NPY2R: variants seen among roughly 807,000 people sequenced by gnomAD.
NPY2R encodes the protein neuropeptide Y receptor Y2.
NPY2R carries 17 observed loss-of-function variants against 22.3 expected under a neutral mutation model. The observed-to-expected ratio is 0.76, with a 90% CI of 0.52 to 1.14. The LOEUF (loss-of-function observed/expected upper bound fraction) is 1.14. NPY2R is among the 50% of genes most tolerant of loss of function. The probability of loss-of-function intolerance (pLI) is 0.00; values close to 1 mark genes in which losing one functional copy is unlikely to be tolerated. For synonymous variants in NPY2R, 209 were observed against 183.4 expected, an observed-to-expected ratio of 1.14 and a Z score of -1.13; for missense variants, 424 against 467.9, an observed-to-expected ratio of 0.91 and a Z score of 0.87.
chr4:155,206,392 CTACAA>C (rs1321739228), upstream of NPY2R: 1 of 152,232 alleles, frequency 6.6e-6, no homozygotes, highest in Non-Finnish European at 1.5e-5. Flanking sequence ...TTCATTGTTA[CTACAA>C]TACACAGGAT....
At chr4:155,176,829 C>A in the NPY2R span, among the ~76,000 whole-genome samples, 33 of 152,212 alleles carry the variant, frequency 2.2e-4, no homozygotes, top group South Asian at 6.4e-3. Context: ...CAAAATGGTG[C>A]CTTGCTGCTG....
At chr4:155,198,147 A>G in the NPY2R span, among the ~76,000 whole-genome samples, 1 of 152,018 alleles carries the variant, frequency 6.6e-6, no homozygotes, top group Non-Finnish European at 1.5e-5. Flanking sequence ...GGTATCTAAC[A>G]GGTATTGATC....
the NPY2R span, among the ~76,000 whole-genome samples, chr4:155,191,223 T>C: frequency 6.6e-6 from 1 of 151,990 alleles, no homozygotes; most frequent in Non-Finnish European, 1.5e-5. Flanking sequence ...ACACAGGCAC[T>C]TAATACTTTG....
rs1729522226 is a variant in NPY2R, at chr4:155,216,614, G to A, written c.*1529G>A. The A allele has an allele frequency of 6.0e-6, 1 of 166,814 alleles. No individual in the cohort carries two copies. The highest frequency in any genetic ancestry group is 1.5e-5 in the Non-Finnish European group (1 of 68,030). 10.3% of individuals were successfully genotyped at this position (166,814 alleles called of 1,614,324 possible). On this transcript the variant is annotated 3_prime_UTR_variant, in exon 2 of 2. Coordinates refer to ENST00000329476, the MANE Select transcript of NPY2R (RefSeq NM_000910.4). ...GGATATATTTAAAATTCATATTATA[G>A]CTCCTATTAAATTCCTTCCATGATA...
the NPY2R span, among the ~76,000 whole-genome samples, chr4:155,197,789 C>T: frequency 6.6e-6 from 1 of 151,832 alleles, no homozygotes; most frequent in African/African-American, 2.4e-5. Context: ...GCCCCCCAGG[C>T]CAAAAGAAGC....
At chr4:155,213,232 A>T (rs778719902) in intron 1 of NPY2R, among the ~76,000 whole-genome samples, 16 of 152,206 alleles carry the variant, frequency 1.1e-4, no homozygotes, top group Non-Finnish European at 1.9e-4. Flanking sequence ...TTACTACCAT[A>T]CAATCCATCT....
At chr4:155,186,966 A>G in the NPY2R span, among the ~76,000 whole-genome samples, 26 of 150,494 alleles carry the variant, frequency 1.7e-4, no homozygotes, top group African/African-American at 6.4e-4. Flanking sequence ...CAGCTTCTTT[A>G]TTTTCTACAA....
the NPY2R span, among the ~76,000 whole-genome samples, chr4:155,192,228 G>A: frequency 5.3e-5 from 8 of 151,972 alleles, no homozygotes; most frequent in South Asian, 2.1e-4. Context: ...GCTTTGTTTC[G>A]TTAGCTGACC....
the NPY2R span, among the ~76,000 whole-genome samples, chr4:155,199,225 C>T: frequency 6.6e-6 from 1 of 151,860 alleles, no homozygotes; most frequent in South Asian, 2.1e-4. Context: ...TCTGCCTTTA[C>T]TGGAAAATTG....
upstream of NPY2R, among the ~76,000 whole-genome samples, chr4:155,204,306 A>G (rs1384399224): frequency 6.6e-6 from 1 of 151,854 alleles, no homozygotes; most frequent in African/African-American, 2.4e-5. Flanking sequence ...CTCCTGATTT[A>G]GTTTCCCCAC....
upstream of NPY2R, chr4:155,207,811 G>C (rs1246763389): frequency 2.5e-5 from 3 of 117,896 alleles, no homozygotes; most frequent in East Asian, 7.4e-4. Context: ...TCGGAAGTCA[G>C]CTATCTGGAG....
At chr4:155,182,714 A>C in the NPY2R span, among the ~76,000 whole-genome samples, 1 of 152,154 alleles carries the variant, frequency 6.6e-6, no homozygotes, top group Admixed American at 6.6e-5. Flanking sequence ...GGAACTTGGA[A>C]GAGAGTGACC....
the NPY2R span, among the ~76,000 whole-genome samples, chr4:155,193,035 T>A: frequency 6.6e-6 from 1 of 151,862 alleles, no homozygotes; most frequent in East Asian, 1.9e-4. Flanking sequence ...AGTAAAGATG[T>A]TATGAGAAGG....
the NPY2R span, among the ~76,000 whole-genome samples, chr4:155,202,113 C>T: frequency 6.6e-6 from 1 of 152,156 alleles, no homozygotes; most frequent in African/African-American, 2.4e-5. Context: ...TCTACATTGA[C>T]TCAGTATCAC....
the NPY2R span, among the ~76,000 whole-genome samples, chr4:155,176,483 G>A: frequency 2.0e-5 from 3 of 152,094 alleles, no homozygotes; most frequent in African/African-American, 7.2e-5. Flanking sequence ...GATAGTATGG[G>A]TTTGTGCCCA....
At chr4:155,201,332 A>T in the NPY2R span, among the ~76,000 whole-genome samples, 1 of 152,206 alleles carries the variant, frequency 6.6e-6, no homozygotes, top group Admixed American at 6.5e-5. Context: ...TCTCTTTGGA[A>T]AGCTAAAATC....
chr4:155,175,807 A>AAAAGAAG, the NPY2R span, among the ~76,000 whole-genome samples: 9 of 152,132 alleles, frequency 5.9e-5, no homozygotes, highest in Non-Finnish European at 1.2e-4. Flanking sequence ...GAAAAAAGAA[A>AAAAGAAG]AGAAATAAAT....
intron 1 of NPY2R, among the ~76,000 whole-genome samples, chr4:155,209,595 C>A (rs1729359525): frequency 6.6e-6 from 1 of 152,198 alleles, no homozygotes; most frequent in South Asian, 2.1e-4. Context: ...AGAAAGGCTT[C>A]CCACACCCTT....
At chr4:155,199,393 A>G in the NPY2R span, among the ~76,000 whole-genome samples, 3 of 152,148 alleles carry the variant, frequency 2.0e-5, no homozygotes, top group African/African-American at 7.2e-5. Flanking sequence ...AAAACATTTC[A>G]TCCTCACAGA....
Sources: gnomAD v4.1 joint callset for allele counts (sites outside exome capture counted in the v4.1 genomes callset) on GRCh38, gnomAD v4.1.1 for gene constraint, MANE v1.5 for transcripts, NCBI Gene and HGNC (gene_info 2026-07-23, HGNC 2026-07-21) for gene names.